The following MGA variants were observed in gnomAD, a reference collection of about 807,000 sequenced individuals.
The protein encoded by MGA is MAX gene-associated protein.
Under a neutral mutation model 261.1 loss-of-function variants are expected in MGA, and 40 were observed. The observed-to-expected ratio is 0.15, with a 90% CI of 0.12 to 0.20. The LOEUF (loss-of-function observed/expected upper bound fraction) is 0.20, where lower values mean the gene tolerates loss of function less well. MGA is among the 10% of genes least tolerant of loss of function. MGA has a pLI of 1.00. For synonymous variants in MGA, 1,302 were observed against 1,290.6 expected, an observed-to-expected ratio of 1.01 and a Z score of -0.19; for missense variants, 3,397 against 3,630.5, an observed-to-expected ratio of 0.94 and a Z score of 1.65.
intron 18 of MGA, among the ~76,000 whole-genome samples, chr15:41,754,801 G>C (rs2063051996): frequency 6.6e-6 from 1 of 152,066 alleles, no homozygotes; most frequent in Non-Finnish European, 1.5e-5. Context: ...CCGATAGACT[G>C]GTATTATAAA....
intron 8 of MGA, 138 bp from the exon 9 acceptor site, chr15:41,713,013 C>T (rs1246897692): frequency 7.9e-7 from 1 of 1,263,654 alleles, no homozygotes; most frequent in Non-Finnish European, 1.1e-6. Context: ...GATTCATGTT[C>T]TGTCCTTTGA....
intron 1 of MGA, among the ~76,000 whole-genome samples, chr15:41,634,091 T>G (rs540125489): frequency 2.0e-5 from 3 of 152,198 alleles, no homozygotes; most frequent in Non-Finnish European, 2.9e-5. Flanking sequence ...TATTTTGATT[T>G]CTTCCCCATC....
chr15:41,681,397 CTG>C (rs1414659559), intron 2 of MGA, among the ~76,000 whole-genome samples: 2 of 127,478 alleles, frequency 1.6e-5, no homozygotes, highest in East Asian at 2.1e-4. Context: ...GTAGTATACT[CTG>C]TTTTTTTTTT....
chr15:41,701,679 A>C (rs183013814), intron 5 of MGA, among the ~76,000 whole-genome samples: 1 of 152,316 alleles, frequency 6.6e-6, no homozygotes, highest in East Asian at 1.9e-4. Flanking sequence ...CTCATAGTTC[A>C]GTAGAAGCTG....
intron 2 of MGA, among the ~76,000 whole-genome samples, chr15:41,693,504 G>A (rs2059398450): frequency 6.6e-6 from 1 of 152,066 alleles, no homozygotes; most frequent in African/African-American, 2.4e-5. Flanking sequence ...CAAGGAACAA[G>A]TAACTACACA....
chr15:41,738,762 T>C (rs528266795), intron 13 of MGA, among the ~76,000 whole-genome samples: 1 of 152,132 alleles, frequency 6.6e-6, no homozygotes, highest in South Asian at 2.1e-4. Flanking sequence ...CGGGAGGGGG[T>C]ATCTGACCTA....
intron 11 of MGA, among the ~76,000 whole-genome samples, chr15:41,730,155 A>C (rs564000072): frequency 2.0e-5 from 3 of 152,238 alleles, no homozygotes; most frequent in African/African-American, 7.2e-5. Flanking sequence ...TGGCCTCCCA[A>C]AGTGCTGGGA....
At chr15:41,633,212 A>G (rs1170674422) in intron 1 of MGA, among the ~76,000 whole-genome samples, 1 of 152,118 alleles carries the variant, frequency 6.6e-6, no homozygotes, top group Non-Finnish European at 1.5e-5. Context: ...GGCCTCCCAA[A>G]GTGCTAGGAT....
intron 20 of MGA, among the ~76,000 whole-genome samples, chr15:41,761,072 A>G (rs2063429203): frequency 1.3e-5 from 2 of 152,206 alleles, no homozygotes; most frequent in Admixed American, 6.5e-5. Flanking sequence ...CACCCGGGCA[A>G]AAGTCAGGTT....
In MGA at chr15:41,764,985, C is replaced by G; in HGVS notation, c.7844C>G (p.Pro2615Arg). The change falls in exon 23 of 24, where the codon CCA (proline) becomes CGA (arginine). Residue 2615 changes from proline to arginine, a missense_variant. Physicochemically the swap from Pro to Arg is moderately radical, Grantham distance 103. Coordinates refer to ENST00000219905, the MANE Select transcript of MGA (RefSeq NM_001164273.2). ...CTAAAAGGTCCCCTATTCTCAGGAC[C>G]AGTGGTAGCTGTTTCTCCTGATCTC... 2 of 1,614,044 alleles carry G rather than the reference C, an allele frequency of 1.2e-6. No individual in the cohort carries two copies. The highest frequency in any genetic ancestry group is 1.7e-6 in the Non-Finnish European group (2 of 1,179,892).
rs2063879985 is a variant in MGA, at chr15:41,767,955, A to G, written c.*675A>G. 1 of 152,524 alleles carries G rather than the reference A, an allele frequency of 6.6e-6. No individual in the cohort carries two copies. Among genetic ancestry groups the G allele is most frequent in the South Asian group, 2.1e-4 (1 of 4,832 alleles). The allele number at this position is 152,524 out of a possible 1,614,324, so 9.4% of individuals were successfully genotyped here. A position where few individuals can be genotyped will look rare whatever the true frequency, so the allele number is the denominator to read the frequency against. On this transcript the variant is annotated 3_prime_UTR_variant, in exon 24 of 24. Transcript: ENST00000219905. ...TTAATTATTTTGAGATCTTAAAAAA[A>G]TAGTAGTTCTCCCTTATTATTTTTG...
chr15:41,622,780 T>C (rs2140893034), intron 1 of MGA, among the ~76,000 whole-genome samples: 1 of 152,280 alleles, frequency 6.6e-6, no homozygotes, highest in African/African-American at 2.4e-5. Context: ...TCTTGGTCTC[T>C]CCTCCCAGTT....
rs1464224972 is a variant in MGA at position 41,754,416 on chromosome 15, T to C, written c.7009-21T>C. On this transcript the variant is annotated intron_variant, in intron 17 of 23. Transcript: ENST00000219905. ...GCTTGCCACTCAATACATTATTTACTTTTATAATGATGTATTTCAGAATAA... is the reference window on the plus strand; with the variant it reads ...GCTTGCCACTCAATACATTATTTACCTTTATAATGATGTATTTCAGAATAA... 24 of 1,520,886 alleles carry C rather than the reference T, an allele frequency of 1.6e-5. No individual in the cohort carries two copies. The East Asian group carries it at 4.7e-4, about 30-fold the overall frequency. The allele number at this position is 1,520,886 out of a possible 1,614,324, so 94.2% of individuals were successfully genotyped here.
chr15:41,656,338 CCTCTCT>C (rs1335764914), upstream of MGA, among the ~76,000 whole-genome samples: 33 of 54,588 alleles, frequency 6.0e-4, no homozygotes, highest in Non-Finnish European at 1.1e-3. Flanking sequence ...CTCTCCCTCT[CCTCTCT>C]TCTCTCTCTC....
At chr15:41,661,138 C>G (rs565860797) in intron 1 of MGA, among the ~76,000 whole-genome samples, 1 of 152,172 alleles carries the variant, frequency 6.6e-6, no homozygotes, top group South Asian at 2.1e-4. Context: ...GGAGTGGGGA[C>G]TTGGTAAACA....
In MGA at chr15:41,744,176, C is replaced by CTA. The variant is rs544012747; in HGVS notation, c.5212+1016_5212+1017dup. On this transcript the variant is annotated intron_variant, in intron 15 of 23. Coordinates refer to ENST00000219905, the MANE Select transcript of MGA (RefSeq NM_001164273.2). ...AGTTCTGTTGAAGGGAAAAGTGAAT[C>CTA]TATATATATATATGTGTGTGTGTGT... 6.2e-3 allele frequency among the ~76,000 whole-genome samples: 934 copies of CTA among 151,268 alleles called. 6 individuals are homozygous for CTA. Among genetic ancestry groups the CTA allele is most frequent in the South Asian group, 0.019 (91 of 4,780 alleles).
chr15:41,699,244 ATC>A (rs1450358033), intron 5 of MGA, 85 bp downstream of exon 5: 3 of 872,516 alleles, frequency 3.4e-6, no homozygotes, highest in African/African-American at 1.9e-5. Context: ...TCTCTTTCTC[ATC>A]TCTTTTTTTC....
intron 2 of MGA, among the ~76,000 whole-genome samples, chr15:41,673,536 CTTTCTTTTTTTT>C (rs1254790396): frequency 4.2e-5 from 5 of 120,320 alleles, no homozygotes; most frequent in African/African-American, 1.4e-4. Flanking sequence ...CTTTTTCTTT[CTTTCTTTTTTTT>C]TTTTTTTTTT....
chr15:41,696,941 TA>T lies in MGA; in HGVS notation c.1933del (p.Ser645AlafsTer9). Reference sequence around the variant, plus strand: ...TTAATTTCTACAAAGAATACACCTGTAAGCCCTGGGAGTACCTTTCCAGATG... The same window carrying T: ...TTAATTTCTACAAAGAATACACCTGTAGCCCTGGGAGTACCTTTCCAGATG... On this transcript the variant is annotated frameshift_variant, in exon 3 of 24. Transcript: ENST00000219905. LOFTEE classifies it high-confidence loss of function. 1 of 1,604,364 alleles carries T rather than the reference TA, an allele frequency of 6.2e-7. No homozygotes were observed.
Sources: gnomAD v4.1 joint callset for allele counts (sites outside exome capture counted in the v4.1 genomes callset) on GRCh38, gnomAD v4.1.1 for gene constraint, MANE v1.5 for transcripts, NCBI Gene and HGNC (gene_info 2026-07-23, HGNC 2026-07-21) for gene names.